GPI: variants seen among roughly 807,000 people sequenced by gnomAD.
The protein encoded by GPI is glucose-6-phosphate isomerase.
In GPI, 56 loss-of-function variants were observed where a neutral mutation model predicts 75.8. The observed-to-expected ratio is 0.74, with a 90% confidence interval of 0.60 to 0.92. The LOEUF is 0.92. GPI is among the 40% of genes least tolerant of loss of function. The pLI is 0.00. For missense variants in GPI, 638 were observed against 741.0 expected, an observed-to-expected ratio of 0.86 and a Z score of 1.61; for synonymous variants, 288 against 285.4, an observed-to-expected ratio of 1.01 and a Z score of -0.09.
chr19:34,369,395 G>T (rs994444600), intron 4 of GPI, among the ~76,000 whole-genome samples: 1 of 152,052 alleles, frequency 6.6e-6, no homozygotes, highest in Non-Finnish European at 1.5e-5. Flanking sequence ...TCTAGAAACA[G>T]ATAAAACATT....
At chr19:34,380,825 C>A (rs1366489486) in intron 8 of GPI, 2 of 180,908 alleles carry the variant, frequency 1.1e-5, no homozygotes, top group East Asian at 2.7e-4. Context: ...GCCTCCAGTG[C>A]CTACCCAGCT....
At chr19:34,366,131 CG>C (rs1433961733) in intron 1 of GPI, 1 of 696,358 alleles carries the variant, frequency 1.4e-6, no homozygotes, top group Non-Finnish European at 2.6e-6. Flanking sequence ...CCTGCATCTA[CG>C]GTCTGTGAGG....
chr19:34,364,712 C>T, upstream of GPI: 1 of 399,514 alleles, frequency 2.5e-6, no homozygotes, highest in Non-Finnish European at 4.4e-6. Flanking sequence ...CCCCGATTCT[C>T]AGCACCCTTT....
intron 9 of GPI, among the ~76,000 whole-genome samples, chr19:34,386,514 A>G (rs978364644): frequency 2.0e-5 from 3 of 152,198 alleles, no homozygotes. Flanking sequence ...ATGCAGGTAG[A>G]TAGAGTTGGC....
chr19:34,377,669 G>A, intron 5 of GPI, 66 bp from the exon 6 acceptor site: 9 of 1,589,620 alleles, frequency 5.7e-6, no homozygotes, highest in African/African-American at 1.3e-5. Flanking sequence ...CCAGGGATGG[G>A]ACCTGGCTGT....
chr19:34,364,477 T>C (rs1463356426), upstream of GPI, among the ~76,000 whole-genome samples: 4 of 151,224 alleles, frequency 2.6e-5, no homozygotes, highest in Admixed American at 1.3e-4. Context: ...TTCAAGTGAT[T>C]ATCCTGCCTC....
chr19:34,371,747 C>T lies in GPI; in HGVS notation c.402+3045C>T, dbSNP rs189044269. On this transcript the variant is annotated intron_variant, in intron 4 of 17. Transcript: ENST00000356487. Reference sequence around the variant, plus strand: ...GTGCATGCCTGTAGTCCCAGCTACTCGGGAGGCTGAGGCAGGAGAATCACT... The same window carrying T: ...GTGCATGCCTGTAGTCCCAGCTACTTGGGAGGCTGAGGCAGGAGAATCACT... Among the ~76,000 whole-genome samples, 5 of 150,664 alleles carry T rather than the reference C, an allele frequency of 3.3e-5. No homozygotes were observed. The East Asian group carries it at 6.0e-4, about 18-fold the overall frequency.
Position 34,396,354 on chromosome 19 carries a change from C to A in GPI, c.1116C>A (p.Asp372Glu). Residue 372 changes from aspartate to glutamate, a missense_variant, in exon 13 of 18, where the codon GAC (aspartate) becomes GAA (glutamate). Asp to Glu is a conservative substitution (Grantham distance 45). Transcript: ENST00000356487. ...TCACCAAATCTGGAACCCGTGTGGA[C>A]CACCAGACAGGCCCCATTGTGTGGG... ...KYITKSGTRV[D>E]HQTGPIVWGE... is the part of the protein sequence containing the mutation. 6.2e-7 allele frequency: 1 copy of A among 1,614,144 alleles called. No individual in the cohort carries two copies. The highest frequency in any genetic ancestry group is 8.5e-7 in the Non-Finnish European group (1 of 1,179,962).
At position 34,399,881 on chromosome 19, in the gene GPI, T is replaced by C; in HGVS notation, c.1542-20T>C. The C allele has an allele frequency of 1.2e-6, 2 of 1,614,026 alleles. No homozygotes were observed. The highest frequency in any genetic ancestry group is 1.7e-6 in the Non-Finnish European group (2 of 1,179,914). ...GAGCCTTCCTCATACCACTCTTCCCTTCCCTTCCCTTCTTGGCAGAGTGGA... is the reference window on the plus strand; with the variant it reads ...GAGCCTTCCTCATACCACTCTTCCCCTCCCTTCCCTTCTTGGCAGAGTGGA... On this transcript the variant is annotated intron_variant, in intron 17 of 17. Transcript: ENST00000356487.
intron 4 of GPI, among the ~76,000 whole-genome samples, chr19:34,374,733 GTT>G (rs562532196): frequency 5.7e-5 from 8 of 139,834 alleles, no homozygotes; most frequent in Non-Finnish European, 7.8e-5. Context: ...TTTTTTCTTT[GTT>G]TTTTTTTTTT....
chr19:34,393,650 G>A lies in GPI; in HGVS notation c.866-78G>A, dbSNP rs950412688. 2.4e-5 allele frequency: 33 copies of A among 1,375,324 alleles called. No homozygotes were observed. Among genetic ancestry groups the A allele is most frequent in the South Asian group, 9.3e-5 (8 of 86,326 alleles). 85.2% of individuals were successfully genotyped at this position (1,375,324 alleles called of 1,614,324 possible). A position where few individuals can be genotyped will look rare whatever the true frequency, so the allele number is the denominator to read the frequency against. ...CTGGCTCTCCATGCAGCCTTCCTTCGTTGCAGAAGGAGCTGTGCCCACTGC... is the reference window on the plus strand; with the variant it reads ...CTGGCTCTCCATGCAGCCTTCCTTCATTGCAGAAGGAGCTGTGCCCACTGC... On this transcript the variant is annotated intron_variant, in intron 10 of 17. Transcript: ENST00000356487. The surrounding 1 kb of genome is among the most constrained non-coding windows in gnomAD (Gnocchi z 4.4).
At position 34,380,309 on chromosome 19, in the gene GPI, A is replaced by G. The variant is rs528328808; in HGVS notation, c.750+747A>G. Among the ~76,000 whole-genome samples, 324 of 149,718 alleles carry G rather than the reference A, an allele frequency of 2.2e-3. 2 individuals are homozygous for G. The highest frequency in any genetic ancestry group is 7.1e-3 in the Middle Eastern group (2 of 282). On this transcript the variant is annotated intron_variant, in intron 8 of 17. Coordinates refer to ENST00000356487, the MANE Select transcript of GPI (RefSeq NM_000175.5). ...CCATGTCCAGCTTATTTTTTGAGAC[A>G]AGGTCACTCTGTCACTCAGGCTAGA...
chr19:34,364,155 C>G (rs2074320761), upstream of GPI, among the ~76,000 whole-genome samples: 1 of 151,708 alleles, frequency 6.6e-6, no homozygotes, highest in Admixed American at 6.6e-5. Flanking sequence ...TCCCGAGTAG[C>G]TGGGACTCTG....
Position 34,399,573 on chromosome 19 carries a change from C to T in GPI, c.1416C>T (p.Arg472=), listed in dbSNP as rs143627913. 1 of 1,614,016 alleles carries T rather than the reference C, an allele frequency of 6.2e-7. No individual in the cohort carries two copies. Among genetic ancestry groups the T allele is most frequent in the Admixed American group, 1.7e-5 (1 of 59,992 alleles). The change falls in exon 16 of 18, where the codon CGC becomes CGT. Residue 472 remains arginine, a synonymous_variant. Transcript: ENST00000356487. ...TTCTGCAGGTCTTTGAAGGAAATCG[C>T]CCAACCAACTCTATTGTGTTCACCA... ...LLPHKVFEGN[R]PTNSIVFTKL...
intron 9 of GPI, among the ~76,000 whole-genome samples, chr19:34,382,732 T>G (rs2074673822): frequency 6.6e-6 from 1 of 151,872 alleles, no homozygotes; most frequent in African/African-American, 2.4e-5. Context: ...CCACCCAGCA[T>G]GTAGAGATGA....
In GPI at chr19:34,399,609, A is replaced by G; in HGVS notation, c.1452A>G (p.Pro484=). 6.2e-7 allele frequency: 1 copy of G among 1,614,156 alleles called. No individual in the cohort carries two copies. Among genetic ancestry groups the G allele is most frequent in the Non-Finnish European group, 8.5e-7 (1 of 1,180,024 alleles). The change falls in exon 16 of 18, where the codon CCA becomes CCG. Residue 484 remains proline (P), a synonymous_variant. Transcript: ENST00000356487. The part of the protein sequence containing the change: ...TNSIVFTKLT[P]FMLGALVAMY... ...CTATTGTGTTCACCAAGCTCACACCATTCATGCTTGGAGCCTTGGTCGGTG... is the reference window on the plus strand; with the variant it reads ...CTATTGTGTTCACCAAGCTCACACCGTTCATGCTTGGAGCCTTGGTCGGTG...
intron 4 of GPI, among the ~76,000 whole-genome samples, chr19:34,371,665 A>G (rs992197578): frequency 2.6e-5 from 4 of 151,720 alleles, no homozygotes; most frequent in African/African-American, 7.3e-5. Context: ...CCTGGCCAAC[A>G]TAATGAAACC....
chr19:34,387,219 G>A (rs952142680), intron 9 of GPI, among the ~76,000 whole-genome samples: 12 of 152,328 alleles, frequency 7.9e-5, no homozygotes, highest in Middle Eastern at 3.4e-3. Flanking sequence ...TGAGGCACTG[G>A]AGTTGGACAC....
Position 34,381,469 on chromosome 19 carries a change from A to C in GPI, c.754A>C (p.Lys252Gln). The C allele has an allele frequency of 6.2e-7, 1 of 1,602,174 alleles. No homozygotes were observed. The highest frequency in any genetic ancestry group is 8.5e-7 in the Non-Finnish European group (1 of 1,169,786). The change falls in exon 9 of 18, where the codon AAA becomes CAA. Residue 252 changes from lysine to glutamine, a missense_variant. By Grantham distance (53) the Lys-to-Gln change is moderately conservative (BLOSUM62 1). Transcript: ENST00000356487. ...HFVALSTNTT[K>Q]VKEFGIDPQN... Reference sequence around the variant, plus strand: ...CCCTTTGTTTTTTTTTTTGTAGACCAAAGTGAAGGAGTTTGGAATTGACCC... The same window carrying C: ...CCCTTTGTTTTTTTTTTTGTAGACCCAAGTGAAGGAGTTTGGAATTGACCC...
Sources: gnomAD v4.1 joint callset for allele counts (sites outside exome capture counted in the v4.1 genomes callset) on GRCh38, gnomAD v4.1.1 for gene constraint, Gnocchi (gnomAD v3.1) non-coding constraint, MANE v1.5 for transcripts, NCBI Gene and HGNC (gene_info 2026-07-23, HGNC 2026-07-21) for gene names.